Variants in RNLS observed in about 807,000 individuals in gnomAD.
The protein encoded by RNLS is renalase.
A neutral mutation model predicts 39.8 loss-of-function variants in RNLS; 39 were observed. The ratio of observed to expected loss-of-function variants is 0.98; its 90% CI spans 0.76 to 1.28. RNLS has a LOEUF of 1.28. Among genes scored for constraint, RNLS ranks in the 50% most tolerant of loss-of-function variants. RNLS has a pLI of 0.00. For synonymous variants in RNLS, 147 were observed against 150.7 expected, an observed-to-expected ratio of 0.98 and a Z score of 0.18; for missense variants, 410 against 413.3, an observed-to-expected ratio of 0.99 and a Z score of 0.07.
At chr10:88,252,444 T>A in the RNLS span, among the ~76,000 whole-genome samples, 1 of 152,262 alleles carries the variant, frequency 6.6e-6, no homozygotes, top group Admixed American at 6.5e-5. Flanking sequence ...ACTGTGCAGT[T>A]TTCATGAACT....
chr10:88,187,877 A>G, the RNLS span, among the ~76,000 whole-genome samples: 2 of 152,218 alleles, frequency 1.3e-5, no homozygotes, highest in African/African-American at 4.8e-5. Flanking sequence ...ATTCCAGTCA[A>G]TGCTTTCACA....
rs1853529420 is a variant in RNLS at position 88,409,580 on chromosome 10, T to C, written c.527-46855A>G. ...AGTCCATATCCCCCATATTTGAAAA[T>C]GTATGTTACTTAAGATTTTCAAAGG... On this transcript the variant is annotated intron_variant, in intron 4 of 6. Transcript: ENST00000331772. Among the ~76,000 whole-genome samples the C allele has an allele frequency of 2.6e-5, 4 of 152,116 alleles. No individual in the cohort carries two copies. The South Asian group carries it at 8.3e-4, about 32-fold the overall frequency.
chr10:88,470,081 G>A (rs909955790), intron 4 of RNLS, among the ~76,000 whole-genome samples: 1 of 151,704 alleles, frequency 6.6e-6, no homozygotes, highest in Non-Finnish European at 1.5e-5. Context: ...GTTTCTTATT[G>A]CCCAAAGTTT....
At chr10:88,226,305 C>T in the RNLS span, among the ~76,000 whole-genome samples, 1 of 152,168 alleles carries the variant, frequency 6.6e-6, no homozygotes, top group South Asian at 2.1e-4. Flanking sequence ...CAATAAACAA[C>T]TAGACTCAGA....
chr10:88,407,436 T>C lies in RNLS; in HGVS notation c.527-44711A>G, dbSNP rs141715711. Reference sequence around the variant, plus strand: ...AGAGGGTGAGAAAAAGGTGGTTATATATGGATTGATGTGAGAGGAGAAATT... The same window carrying C: ...AGAGGGTGAGAAAAAGGTGGTTATACATGGATTGATGTGAGAGGAGAAATT... On this transcript the variant is annotated intron_variant, in intron 4 of 6. Coordinates refer to ENST00000331772, the MANE Select transcript of RNLS (RefSeq NM_001031709.3). Among the ~76,000 whole-genome samples the C allele has an allele frequency of 4.2e-3, 644 of 152,040 alleles. 5 individuals carry two copies. The highest frequency in any genetic ancestry group is 0.015 in the African/African-American group (615 of 41,478).
intron 4 of RNLS, among the ~76,000 whole-genome samples, chr10:88,395,457 G>A (rs1379502390): frequency 5.9e-5 from 9 of 151,910 alleles, no homozygotes; most frequent in Non-Finnish European, 1.3e-4. Flanking sequence ...TAAAATAACA[G>A]AAGAAAAAAT....
At chr10:88,434,362 A>G (rs1242619087) in intron 4 of RNLS, among the ~76,000 whole-genome samples, 4 of 152,182 alleles carry the variant, frequency 2.6e-5, no homozygotes, top group African/African-American at 4.8e-5. Context: ...ATAAACATAC[A>G]TAAACTGGTT....
chr10:88,285,150 C>T lies in RNLS; in HGVS notation c.*204G>A, dbSNP rs1483030414. ...GCAATTCAGAAAAGTAGGGAAGGTG[C>T]AAGGTGTGAGGAATTTCCATTCTAG... On this transcript the variant is annotated 3_prime_UTR_variant, in exon 7 of 7. Transcript: ENST00000331772. 8.8e-7 allele frequency: 1 copy of T among 1,135,512 alleles called. No homozygotes were observed. Among genetic ancestry groups the T allele is most frequent in the Non-Finnish European group, 1.1e-6 (1 of 923,452 alleles). The allele number at this position is 1,135,512 out of a possible 1,614,324, so 70.3% of individuals were successfully genotyped here.
chr10:88,367,326 T>C (rs1456359741), intron 4 of RNLS, among the ~76,000 whole-genome samples: 3 of 152,106 alleles, frequency 2.0e-5, no homozygotes, highest in Non-Finnish European at 2.9e-5. Context: ...AATGATATGG[T>C]ATATATTTTT....
chr10:88,479,564 T>G (rs933205899), intron 4 of RNLS, among the ~76,000 whole-genome samples: 2 of 152,094 alleles, frequency 1.3e-5, no homozygotes, highest in Admixed American at 6.5e-5. Context: ...ATCAGTATCA[T>G]CATCATCATC....
chr10:88,295,797 C>T (rs758016824), intron 6 of RNLS, among the ~76,000 whole-genome samples: 8 of 152,156 alleles, frequency 5.3e-5, no homozygotes, highest in Non-Finnish European at 1.2e-4. Flanking sequence ...AAAGGACATA[C>T]TTTGCTGAAA....
intron 6 of RNLS, among the ~76,000 whole-genome samples, chr10:88,303,584 C>A (rs1844691910): frequency 6.6e-6 from 1 of 152,202 alleles, no homozygotes; most frequent in Non-Finnish European, 1.5e-5. Context: ...CCCATGGCAA[C>A]TGTCCACATT....
intron 4 of RNLS, among the ~76,000 whole-genome samples, chr10:88,384,099 A>T (rs1398806715): frequency 6.6e-6 from 1 of 152,198 alleles, no homozygotes; most frequent in African/African-American, 2.4e-5. Context: ...AATTGCCCAC[A>T]TAATATCCTT....
At chr10:88,187,158 AATATATATAAT>A in the RNLS span, among the ~76,000 whole-genome samples, 2 of 113,532 alleles carry the variant, frequency 1.8e-5, no homozygotes, top group Non-Finnish European at 3.5e-5. Context: ...ATATATATAT[AATATATATAAT>A]ATATATATAA....
At chr10:88,173,653 G>A in the RNLS span, among the ~76,000 whole-genome samples, 2 of 152,128 alleles carry the variant, frequency 1.3e-5, no homozygotes, top group African/African-American at 2.4e-5. Context: ...CCCTCTACAA[G>A]TTCAGTGGTT....
downstream of RNLS, among the ~76,000 whole-genome samples, chr10:88,269,118 T>C (rs748348684): frequency 6.6e-6 from 1 of 152,194 alleles, no homozygotes; most frequent in Non-Finnish European, 1.5e-5. Flanking sequence ...AAGAGACATA[T>C]CCTCTTTGGG....
intron 4 of RNLS, among the ~76,000 whole-genome samples, chr10:88,493,061 G>A (rs1844973314): frequency 6.6e-6 from 1 of 151,940 alleles, no homozygotes. Context: ...ATCTTTTTCG[G>A]TTATTTGAGA....
At chr10:88,519,847 A>G (rs772249932) in intron 4 of RNLS, among the ~76,000 whole-genome samples, 2 of 151,240 alleles carry the variant, frequency 1.3e-5, no homozygotes, top group Non-Finnish European at 3.0e-5. Context: ...GAGGTCTTCA[A>G]TGTTGTCTAA....
chr10:88,248,234 G>C, the RNLS span, among the ~76,000 whole-genome samples: 3 of 152,196 alleles, frequency 2.0e-5, no homozygotes, highest in African/African-American at 4.8e-5. Context: ...TAGAGTCTTC[G>C]TCTGGATTCA....
Sources: allele counts gnomAD v4.1 joint callset (sites outside exome capture counted in the v4.1 genomes callset), GRCh38; gene constraint gnomAD v4.1.1; transcripts MANE v1.5; gene names NCBI Gene and HGNC (gene_info 2026-07-23, HGNC 2026-07-21).